The following DCHS2 variants were observed in gnomAD, a reference collection of about 807,000 sequenced individuals.
DCHS2 encodes the protein dachsous cadherin-related 2.
DCHS2 carries 142 observed loss-of-function variants against 182.4 expected under a neutral mutation model. The ratio of observed to expected loss-of-function variants is 0.78; its 90% CI spans 0.68 to 0.89. The LOEUF (loss-of-function observed/expected upper bound fraction) is 0.89. Among genes scored for constraint, DCHS2 ranks in the 40% least tolerant of loss-of-function variants. The probability of loss-of-function intolerance (pLI) is 0.00; values close to 1 mark genes in which losing one functional copy is unlikely to be tolerated. For missense variants in DCHS2, 4,319 were observed against 4,198.6 expected (o/e 1.03, Z -0.79); for synonymous variants, 1,740 against 1,663.3 (o/e 1.05, Z -1.12).
chr4:154,321,251 T>C, intron 8 of DCHS2, 29 bp from the exon 9 acceptor site: 9 of 1,451,668 alleles, frequency 6.2e-6, no homozygotes, highest in Non-Finnish European at 8.2e-6. Context: ...AGATATTAAT[T>C]TGGGGTATTT....
chr4:154,388,494 A>ATTTTTTT (rs35945131), intron 1 of DCHS2, among the ~76,000 whole-genome samples: 1 of 130,680 alleles, frequency 7.7e-6, no homozygotes, highest in East Asian at 2.2e-4. Flanking sequence ...AATAGATGTA[A>ATTTTTTT]TTTTTTTTTT....
intron 15 of DCHS2, among the ~76,000 whole-genome samples, chr4:154,258,928 T>A (rs1397100671): frequency 2.0e-5 from 3 of 152,126 alleles, no homozygotes; most frequent in Non-Finnish European, 4.4e-5. Flanking sequence ...GTTAGAGATC[T>A]CCTAATGCCC....
rs1288039581 is a variant in DCHS2, at chr4:154,232,701, A to G, written c.*1835T>C. ...TTCAAAAGAGTCAGAGATAATAAAT[A>G]CTGGAACACATAAATGATTAAATAT... On this transcript the variant is annotated 3_prime_UTR_variant, in exon 20 of 20. Coordinates refer to ENST00000357232, the MANE Select transcript of DCHS2 (RefSeq NM_001358235.2). 1 of 151,996 alleles carries G rather than the reference A, an allele frequency of 6.6e-6. No individual in the cohort carries two copies. The highest frequency in any genetic ancestry group is 1.9e-4 in the East Asian group (1 of 5,192). 9.4% of individuals were successfully genotyped at this position (151,996 alleles called of 1,614,324 possible).
chr4:154,287,189 T>C (rs1734442710), intron 13 of DCHS2, among the ~76,000 whole-genome samples: 1 of 152,160 alleles, frequency 6.6e-6, no homozygotes, highest in South Asian at 2.1e-4. Flanking sequence ...ACCAGACCTG[T>C]CTTACAAGAA....
intron 1 of DCHS2, among the ~76,000 whole-genome samples, chr4:154,445,678 T>A (rs987073422): frequency 1.6e-4 from 24 of 151,930 alleles, no homozygotes; most frequent in Admixed American, 5.3e-4. Flanking sequence ...GGCTGTGGTG[T>A]TGTGTACCTG....
In DCHS2 at chr4:154,322,390, C is replaced by T. The variant is rs778194239; in HGVS notation, c.4117G>A (p.Val1373Ile). 48 of 1,613,780 alleles carry T rather than the reference C, an allele frequency of 3.0e-5. No homozygotes were observed. The highest frequency in any genetic ancestry group is 3.9e-5 in the Non-Finnish European group (46 of 1,179,830). The change falls in exon 8 of 20, where the codon GTC (valine) becomes ATC (isoleucine). Residue 1373 changes from valine to isoleucine, a missense_variant. By Grantham distance (29) the Val-to-Ile change is conservative (BLOSUM62 3). Transcript: ENST00000357232. ...GGCACTCCCTGGTCAGTGGCAATGA[C>T]ACTCATTCTGTAGGAAGGTCTATAA... ...YDYRPSYRMSVIATDQGVPPL... is the reference protein window; with the variant it reads ...YDYRPSYRMSIIATDQGVPPL...
intron 1 of DCHS2, among the ~76,000 whole-genome samples, chr4:154,473,519 G>T (rs537551038): frequency 0.06 from 1,429 of 23,726 alleles, 10 homozygotes; most frequent in Non-Finnish European, 0.42. Context: ...ATGTTTTTTG[G>T]TGCGCCTTGC....
At chr4:154,311,658 A>T (rs1047206321) in intron 10 of DCHS2, among the ~76,000 whole-genome samples, 3 of 152,168 alleles carry the variant, frequency 2.0e-5, no homozygotes, top group Non-Finnish European at 2.9e-5. Context: ...AATTCTAAAC[A>T]GTGAGGGCAG....
chr4:154,257,225 C>T (rs574348719), intron 15 of DCHS2, among the ~76,000 whole-genome samples: 11 of 151,978 alleles, frequency 7.2e-5, no homozygotes, highest in South Asian at 2.1e-4. Context: ...TCCAGCCTGG[C>T]GACAGAGCGA....
At chr4:154,445,355 A>T (rs1734236484) in intron 1 of DCHS2, among the ~76,000 whole-genome samples, 2 of 152,360 alleles carry the variant, frequency 1.3e-5, no homozygotes, top group South Asian at 4.1e-4. Context: ...TCTTCAGGGC[A>T]TTTAACAAAG....
chr4:154,406,488 A>G (rs996061529), intron 1 of DCHS2, among the ~76,000 whole-genome samples: 1 of 152,210 alleles, frequency 6.6e-6, no homozygotes, highest in African/African-American at 2.4e-5. Context: ...GTCTGATTTT[A>G]TAGTTGTTTA....
rs1376421726 is a variant in DCHS2 at position 154,489,949 on chromosome 4, C to T, written c.1407G>A (p.Leu469=). ...AGTCTCCCTCTCCGCCTTCCAAGGACAGAGAGATGCTCCCGTCTCCAAGAC... is the reference window on the plus strand; with the variant it reads ...AGTCTCCCTCTCCGCCTTCCAAGGATAGAGAGATGCTCCCGTCTCCAAGAC... ...GVGLGDGSIS[L]SLEGGEGDFA... Residue 469 remains leucine (L), a synonymous_variant, in exon 1 of 20, where the codon CTG becomes CTA. Transcript: ENST00000357232. The T allele has an allele frequency of 6.5e-7, 1 of 1,543,438 alleles. No individual in the cohort carries two copies. The highest frequency in any genetic ancestry group is 2.0e-5 in the Admixed American group (1 of 50,324).
intron 1 of DCHS2, among the ~76,000 whole-genome samples, chr4:154,482,841 G>A (rs927945581): frequency 2.6e-5 from 4 of 152,050 alleles, no homozygotes; most frequent in Admixed American, 1.3e-4. Flanking sequence ...CATGGTGGCA[G>A]GCAAAAACAC....
chr4:154,250,418 TCTCAAATC>T (rs1732295030), intron 16 of DCHS2, among the ~76,000 whole-genome samples: 1 of 152,166 alleles, frequency 6.6e-6, no homozygotes, highest in Non-Finnish European at 1.5e-5. Context: ...CCTGGATGAA[TCTCAAATC>T]CATATCTTGA....
Position 154,233,650 on chromosome 4 carries a change from G to T in DCHS2, c.*886C>A, listed in dbSNP as rs1731297402. 6.6e-6 allele frequency: 1 copy of T among 151,880 alleles called. No homozygotes were observed. The highest frequency in any genetic ancestry group is 1.5e-5 in the Non-Finnish European group (1 of 67,968). 9.4% of individuals were successfully genotyped at this position (151,880 alleles called of 1,614,324 possible). On this transcript the variant is annotated 3_prime_UTR_variant, in exon 20 of 20. Transcript: ENST00000357232. ...TGTATCTAGAAGAAAATAAAATGAA[G>T]ACATTGCTATAAATTAACCTTTGAA...
intron 10 of DCHS2, among the ~76,000 whole-genome samples, chr4:154,307,567 C>T (rs80004530): frequency 0.029 from 4,349 of 152,242 alleles, 187 homozygotes; most frequent in African/African-American, 0.097. Context: ...TTCTCCAGTC[C>T]GGCCCCATGA....
intron 3 of DCHS2, among the ~76,000 whole-genome samples, chr4:154,341,647 T>C (rs1729112636): frequency 6.6e-6 from 1 of 152,120 alleles, no homozygotes; most frequent in Admixed American, 6.5e-5. Flanking sequence ...TATAATATGC[T>C]GATCTATCAA....
chr4:154,408,343 T>A (rs937839818), intron 1 of DCHS2, among the ~76,000 whole-genome samples: 2 of 152,200 alleles, frequency 1.3e-5, no homozygotes, highest in African/African-American at 4.8e-5. Flanking sequence ...TTAATAAGAA[T>A]AGCACTGAAA....
intron 1 of DCHS2, among the ~76,000 whole-genome samples, chr4:154,391,617 C>T (rs985205560): frequency 1.3e-5 from 2 of 152,118 alleles, no homozygotes; most frequent in African/African-American, 4.8e-5. Context: ...GGCCAGCCAA[C>T]CTCATCTGAC....
Sources: gnomAD v4.1 joint callset for allele counts (sites outside exome capture counted in the v4.1 genomes callset) on GRCh38, gnomAD v4.1.1 for gene constraint, MANE v1.5 for transcripts, NCBI Gene and HGNC (gene_info 2026-07-23, HGNC 2026-07-21) for gene names.